PDGFD: variants seen among roughly 807,000 people sequenced by gnomAD.
PDGFD encodes platelet-derived growth factor D.
A neutral mutation model predicts 44.7 loss-of-function variants in PDGFD; 30 were observed. The observed-to-expected ratio is 0.67, with a 90% CI of 0.50 to 0.91. The LOEUF (loss-of-function observed/expected upper bound fraction) is 0.91, where lower values mean the gene tolerates loss of function less well. PDGFD is among the 40% of genes least tolerant of loss of function. PDGFD has a pLI of 0.00. For synonymous variants in PDGFD, 173 were observed against 168.4 expected, an observed-to-expected ratio of 1.03 and a Z score of -0.21; for missense variants, 445 against 457.8, an observed-to-expected ratio of 0.97 and a Z score of 0.25.
intron 1 of PDGFD, among the ~76,000 whole-genome samples, chr11:104,119,919 T>C (rs900577617): frequency 3.7e-5 from 5 of 136,004 alleles, no homozygotes; most frequent in Non-Finnish European, 6.2e-5. Flanking sequence ...GCAATTATTA[T>C]ATATTATATA....
At chr11:104,069,011 C>T (rs1326031837) in intron 1 of PDGFD, among the ~76,000 whole-genome samples, 1 of 152,160 alleles carries the variant, frequency 6.6e-6, no homozygotes, top group Non-Finnish European at 1.5e-5. Flanking sequence ...GTTACCTAAT[C>T]TACAGATGTT....
chr11:104,150,232 GC>G (rs1184303988), intron 1 of PDGFD, among the ~76,000 whole-genome samples: 32 of 152,118 alleles, frequency 2.1e-4, no homozygotes, highest in Non-Finnish European at 3.5e-4. Context: ...ATAGGACACT[GC>G]CCTTATCATC....
At position 103,955,146 on chromosome 11, in the gene PDGFD, A is replaced by G. The variant is rs1220450018; in HGVS notation, c.511-7422T>C. On this transcript the variant is annotated intron_variant, in intron 3 of 6. Coordinates refer to ENST00000393158, the MANE Select transcript of PDGFD (RefSeq NM_025208.5). ...GCCACTGCACTCCAGCCTGGGCGAC[A>G]GAGCGAGACTCCGTCTCAAAAAAAA... 1.1e-3 allele frequency among the ~76,000 whole-genome samples: 129 copies of G among 115,722 alleles called. 2 individuals are homozygous for G. The highest frequency in any genetic ancestry group is 4.0e-3 in the African/African-American group (123 of 30,552). 75.9% of individuals were successfully genotyped at this position (115,722 alleles called of 152,430 possible).
chr11:104,119,342 G>T (rs111219079), intron 1 of PDGFD, among the ~76,000 whole-genome samples: 1 of 30,988 alleles, frequency 3.2e-5, no homozygotes, highest in African/African-American at 1.2e-4. Flanking sequence ...ATAATATATT[G>T]ATATAATATA....
intron 1 of PDGFD, among the ~76,000 whole-genome samples, chr11:104,042,059 C>A (rs999981326): frequency 6.6e-6 from 1 of 152,112 alleles, no homozygotes; most frequent in Non-Finnish European, 1.5e-5. Flanking sequence ...ATTCTTTGAA[C>A]TTGCAAAAGC....
intron 1 of PDGFD, among the ~76,000 whole-genome samples, chr11:104,155,695 G>T (rs1862297581): frequency 6.6e-6 from 1 of 152,162 alleles, no homozygotes; most frequent in African/African-American, 2.4e-5. Context: ...CTTTTAAGTG[G>T]ATTTGTTGCA....
intron 1 of PDGFD, among the ~76,000 whole-genome samples, chr11:104,092,877 T>C (rs965597526): frequency 6.6e-6 from 1 of 152,178 alleles, no homozygotes; most frequent in Admixed American, 6.6e-5. Flanking sequence ...ATCTCATATT[T>C]TTATGATTGA....
intron 6 of PDGFD, among the ~76,000 whole-genome samples, chr11:103,915,754 A>G (rs1858113635): frequency 6.6e-6 from 1 of 152,194 alleles, no homozygotes; most frequent in Non-Finnish European, 1.5e-5. Context: ...TATATAGACC[A>G]ATGGAACAGA....
rs144793123 is a variant in PDGFD, at chr11:103,910,374, T to A, written c.988-555A>T. 7.9e-3 allele frequency among the ~76,000 whole-genome samples: 1,206 copies of A among 152,270 alleles called. 53 individuals are homozygous for A. Among genetic ancestry groups the A allele is most frequent in the Admixed American group, 0.068 (1,045 of 15,296 alleles). Reference sequence around the variant, plus strand: ...GAGATCAATGCAGAAGGCGGGTGATTTCTCCATTCCCAACTGAGGTACCCA... The same window carrying A: ...GAGATCAATGCAGAAGGCGGGTGATATCTCCATTCCCAACTGAGGTACCCA... On this transcript the variant is annotated intron_variant, in intron 6 of 6. Transcript: ENST00000393158.
intron 4 of PDGFD, among the ~76,000 whole-genome samples, chr11:103,944,422 T>C (rs984289441): frequency 5.9e-5 from 9 of 152,166 alleles, no homozygotes; most frequent in Non-Finnish European, 1.2e-4. Context: ...CTTACTTCAC[T>C]AACCCTTGTA....
chr11:104,021,603 T>C (rs991644983), intron 1 of PDGFD, among the ~76,000 whole-genome samples: 5 of 152,088 alleles, frequency 3.3e-5, no homozygotes, highest in African/African-American at 1.2e-4. Context: ...ATGCCAAAGA[T>C]AAAAAACAAA....
chr11:104,037,582 C>A, intron 1 of PDGFD: 2 of 1,614,016 alleles, frequency 1.2e-6, no homozygotes, highest in Non-Finnish European at 1.7e-6. Flanking sequence ...GAATGGGCAT[C>A]CTTTGAAGGC....
chr11:103,932,171 A>G (rs60293326), intron 5 of PDGFD, among the ~76,000 whole-genome samples: 6,077 of 151,446 alleles, frequency 0.04, 182 homozygotes, highest in African/African-American at 0.083. Flanking sequence ...CCAACTTACA[A>G]TGGTTCAACA....
chr11:103,971,359 G>A (rs1011433645), intron 3 of PDGFD, among the ~76,000 whole-genome samples: 1 of 152,096 alleles, frequency 6.6e-6, no homozygotes, highest in African/African-American at 2.4e-5. Context: ...GCTGATGAGT[G>A]AACAGAAACT....
At chr11:104,094,810 TA>T (rs1431026667) in intron 1 of PDGFD, among the ~76,000 whole-genome samples, 1 of 152,160 alleles carries the variant, frequency 6.6e-6, no homozygotes, top group Non-Finnish European at 1.5e-5. Context: ...CATTGCCAAG[TA>T]AAATTCTTAA....
At chr11:104,064,594 A>T (rs1022418507) in intron 1 of PDGFD, among the ~76,000 whole-genome samples, 6 of 152,190 alleles carry the variant, frequency 3.9e-5, no homozygotes, top group Non-Finnish European at 7.3e-5. Flanking sequence ...TATTGTGTTT[A>T]TAAAGTAAAA....
rs1272055831 is a variant in PDGFD, at chr11:103,925,815, G to C, written c.987+1097C>G. 3.3e-5 allele frequency among the ~76,000 whole-genome samples: 5 copies of C among 150,008 alleles called. No homozygotes were observed. The East Asian group carries it at 9.9e-4, about 30-fold the overall frequency. On this transcript the variant is annotated intron_variant, in intron 6 of 6. Transcript: ENST00000393158. Reference sequence around the variant, plus strand: ...GCGATCTCAGCTCACTGCAACCTCCGCCTCCCGGGTTCAAGTGATTCTCCC... The same window carrying C: ...GCGATCTCAGCTCACTGCAACCTCCCCCTCCCGGGTTCAAGTGATTCTCCC...
intron 3 of PDGFD, among the ~76,000 whole-genome samples, chr11:103,985,076 T>C (rs1211812429): frequency 7.2e-6 from 1 of 138,196 alleles, no homozygotes; most frequent in Non-Finnish European, 1.5e-5. Flanking sequence ...ATTTAATAGT[T>C]ATATTTATTT....
chr11:103,999,722 C>T (rs545112631), intron 2 of PDGFD, among the ~76,000 whole-genome samples: 6 of 152,236 alleles, frequency 3.9e-5, no homozygotes, highest in South Asian at 2.1e-4. Flanking sequence ...TGCAGCTGCC[C>T]GTAACCTGGG....
Sources: gnomAD v4.1 joint callset for allele counts (sites outside exome capture counted in the v4.1 genomes callset) on GRCh38, gnomAD v4.1.1 for gene constraint, MANE v1.5 for transcripts, NCBI Gene and HGNC (gene_info 2026-07-23, HGNC 2026-07-21) for gene names.